The following LRRC40 variants were observed in gnomAD, a reference collection of about 807,000 sequenced individuals.
The protein encoded by LRRC40 is leucine rich repeat containing 40, also known as leucine-rich repeat-containing protein 40.
A neutral mutation model predicts 72.8 loss-of-function variants in LRRC40; 76 were observed. The observed-to-expected ratio is 1.04, with a 90% confidence interval of 0.87 to 1.26. The LOEUF is 1.26. Ranked by LOEUF, LRRC40 falls within the 50% of genes most tolerant of loss-of-function variation. The probability of loss-of-function intolerance (pLI) is 0.00; values close to 1 mark genes in which losing one functional copy is unlikely to be tolerated. For missense variants in LRRC40, 684 were observed against 698.9 expected, an observed-to-expected ratio of 0.98 and a Z score of 0.24; for synonymous variants, 243 against 254.2, an observed-to-expected ratio of 0.96 and a Z score of 0.42.
Position 70,145,825 on chromosome 1 carries a change from T to C in LRRC40, c.1784A>G (p.Tyr595Cys). Residue 595 changes from tyrosine (Y) to cysteine (C), a missense_variant, in exon 15 of 15, where the codon TAT becomes TGT. Physicochemically the swap from Tyr to Cys is radical, Grantham distance 194. Transcript: ENST00000370952. ...LMKGTAAILE[Y>C]LRDRIPT Reference sequence around the variant, plus strand: ...TTAAGTAGGAATTCGGTCTCTCAAATATTCAAGTATAGCAGCTGTTCCTTT... The same window carrying C: ...TTAAGTAGGAATTCGGTCTCTCAAACATTCAAGTATAGCAGCTGTTCCTTT... 6.2e-7 allele frequency: 1 copy of C among 1,606,610 alleles called. No homozygotes were observed.
chr1:70,163,392 T>C (rs74343537), intron 9 of LRRC40, among the ~76,000 whole-genome samples: 3,453 of 152,204 alleles, frequency 0.023, 49 homozygotes, highest in Middle Eastern at 0.048. Flanking sequence ...CAGCCTGCAT[T>C]CCTTTTTCTA....
At chr1:70,194,256 C>G (rs1475810256) in intron 1 of LRRC40, among the ~76,000 whole-genome samples, 1 of 151,948 alleles carries the variant, frequency 6.6e-6, no homozygotes, top group Non-Finnish European at 1.5e-5. Context: ...TCACAAAATT[C>G]AAGCTCAATA....
chr1:70,202,559 C>A (rs1451043937), intron 1 of LRRC40, among the ~76,000 whole-genome samples: 1 of 152,112 alleles, frequency 6.6e-6, no homozygotes, highest in Non-Finnish European at 1.5e-5. Flanking sequence ...ATGGGTAGAG[C>A]ACACAGGATT....
intron 13 of LRRC40, among the ~76,000 whole-genome samples, chr1:70,149,921 A>G (rs115034977): frequency 6.6e-6 from 1 of 151,906 alleles, no homozygotes; most frequent in Non-Finnish European, 1.5e-5. Flanking sequence ...TTTATTTTTT[A>G]AATTTTATTT....
At chr1:70,165,308 C>T (rs1469556246) in intron 9 of LRRC40, among the ~76,000 whole-genome samples, 1 of 152,160 alleles carries the variant, frequency 6.6e-6, no homozygotes, top group East Asian at 1.9e-4. Context: ...TGCACTTCTG[C>T]TAGACACTGG....
chr1:70,173,419 C>T, intron 9 of LRRC40, 46 bp downstream of exon 9: 2 of 1,362,886 alleles, frequency 1.5e-6, no homozygotes, highest in Non-Finnish European at 2.1e-6. Context: ...AATTCTTCAC[C>T]ACTTTTTATG....
chr1:70,201,249 T>C (rs1224155586), intron 1 of LRRC40, among the ~76,000 whole-genome samples: 1 of 152,102 alleles, frequency 6.6e-6, no homozygotes, highest in Non-Finnish European at 1.5e-5. Context: ...AAACAAAAGA[T>C]AATAACACTT....
At chr1:70,199,185 T>TA (rs1051106836) in intron 1 of LRRC40, among the ~76,000 whole-genome samples, 26 of 140,642 alleles carry the variant, frequency 1.8e-4, no homozygotes, top group Non-Finnish European at 4.0e-4. Flanking sequence ...GATAAAAAAA[T>TA]AAAAAATAGC....
Position 70,181,114 on chromosome 1 carries a change from A to G in LRRC40, c.633T>C (p.Ser211=). 1 of 1,567,040 alleles carries G rather than the reference A, an allele frequency of 6.4e-7. No homozygotes were observed. Among genetic ancestry groups the G allele is most frequent in the Non-Finnish European group, 8.7e-7 (1 of 1,147,326 alleles). The change falls in exon 5 of 15, where the codon AGT becomes AGC. Residue 211 remains serine (S), a synonymous_variant. Coordinates refer to ENST00000370952, the MANE Select transcript of LRRC40 (RefSeq NM_017768.5). ...RLNLSSNELK[S]LPAEINRMKR... ...TCATTCTATTTATTTCTGCTGGCAA[A>G]CTCTTCAGTTCATTACTAGAAAGAT...
At chr1:70,201,739 G>A (rs1240117120) in intron 1 of LRRC40, among the ~76,000 whole-genome samples, 6 of 152,124 alleles carry the variant, frequency 3.9e-5, no homozygotes, top group Admixed American at 1.3e-4. Context: ...TTGGGAGGCC[G>A]AGGTGGGTGG....
At chr1:70,151,307 G>C (rs965540772) in intron 12 of LRRC40, 102 bp from the exon 13 acceptor site, 1 of 648,774 alleles carries the variant, frequency 1.5e-6, no homozygotes, top group African/African-American at 1.8e-5. Context: ...ATGTAGATCA[G>C]TTTGTCAATC....
intron 12 of LRRC40, chr1:70,151,874 GAAAATACCTGTGA>G (rs1667503361): frequency 6.6e-6 from 1 of 151,922 alleles, no homozygotes; most frequent in African/African-American, 2.4e-5. Flanking sequence ...TACTAATAAT[GAAAATACCTGTGA>G]GAAAATTATT....
At chr1:70,172,185 T>C (rs1190456212) in intron 9 of LRRC40, among the ~76,000 whole-genome samples, 1 of 152,180 alleles carries the variant, frequency 6.6e-6, no homozygotes, top group African/African-American at 2.4e-5. Context: ...GTGCCATCTA[T>C]GAGAAACAGG....
At chr1:70,169,067 G>A (rs1294403678) in intron 9 of LRRC40, among the ~76,000 whole-genome samples, 1 of 152,014 alleles carries the variant, frequency 6.6e-6, no homozygotes, top group Non-Finnish European at 1.5e-5. Context: ...AATGAAAAGG[G>A]GTCCCAGGTG....
chr1:70,196,341 G>C (rs1040891503), intron 1 of LRRC40, among the ~76,000 whole-genome samples: 4 of 152,152 alleles, frequency 2.6e-5, no homozygotes, highest in South Asian at 2.1e-4. Context: ...TTTGAGCCCA[G>C]AAGTTTGAGA....
intron 9 of LRRC40, among the ~76,000 whole-genome samples, chr1:70,166,652 G>A (rs1168814586): frequency 1.4e-5 from 2 of 146,332 alleles, no homozygotes; most frequent in Admixed American, 6.9e-5. Flanking sequence ...GCAAGACCTC[G>A]CTTCTAAATA....
At chr1:70,170,916 A>C (rs1475129577) in intron 9 of LRRC40, among the ~76,000 whole-genome samples, 1 of 152,162 alleles carries the variant, frequency 6.6e-6, no homozygotes, top group African/African-American at 2.4e-5. Context: ...GAGCCCTCCT[A>C]AAGTAGGAGC....
chr1:70,175,956 A>T lies in LRRC40; in HGVS notation c.831T>A (p.Ile277=). 1.3e-6 allele frequency: 2 copies of T among 1,581,488 alleles called. No individual in the cohort carries two copies. The highest frequency in any genetic ancestry group is 2.7e-5 in the African/African-American group (2 of 73,012). The change falls in exon 7 of 15, where the codon ATT becomes ATA. Residue 277 remains isoleucine, a synonymous_variant. Coordinates refer to ENST00000370952, the MANE Select transcript of LRRC40 (RefSeq NM_017768.5). ...TAAGATGTTCTGCCTCTAACATTTC[A>T]ATCTGGTTTTCACCTACGTGCAATT... ...LKELHVGENQ[I]EMLEAEHLKH... is the part of the protein sequence containing the mutation.
At chr1:70,158,718 C>T (rs1325291943) in intron 10 of LRRC40, among the ~76,000 whole-genome samples, 1 of 152,144 alleles carries the variant, frequency 6.6e-6, no homozygotes, top group Non-Finnish European at 1.5e-5. Context: ...GATAAATTAG[C>T]AGGGTACAAC....
Sources: allele counts gnomAD v4.1 joint callset (sites outside exome capture counted in the v4.1 genomes callset), GRCh38; gene constraint gnomAD v4.1.1; transcripts MANE v1.5; gene names NCBI Gene and HGNC (gene_info 2026-07-23, HGNC 2026-07-21).